RFC5: variants seen among roughly 807,000 people sequenced by gnomAD.
The protein encoded by RFC5 is replication factor C subunit 5, also known as A1 36 kDa subunit.
RFC5 carries 26 observed loss-of-function variants against 44.3 expected under a neutral mutation model. The observed-to-expected ratio is 0.59, with a 90% CI of 0.43 to 0.81. The LOEUF is 0.81. Ranked by LOEUF, RFC5 falls within the 40% of genes least tolerant of loss-of-function variation. The probability of loss-of-function intolerance (pLI) is 0.00; values close to 1 mark genes in which losing one functional copy is unlikely to be tolerated. For synonymous variants in RFC5, 155 were observed against 155.2 expected (o/e 1.00, Z 0.01); for missense variants, 328 against 418.6 (o/e 0.78, Z 1.89).
At chr12:118,027,922 C>T in intron 8 of RFC5, 31 bp from the exon 9 acceptor site, 1 of 1,410,384 alleles carries the variant, frequency 7.1e-7, no homozygotes, top group Non-Finnish European at 1.0e-6. Context: ...TGTTCTGGAA[C>T]TTGTTCCCTT....
chr12:118,017,778 C>T, intron 1 of RFC5: 1 of 656,834 alleles, frequency 1.5e-6, no homozygotes, highest in Non-Finnish European at 2.8e-6. Context: ...TCAAGCCATT[C>T]TCCTGCCTCA....
the RFC5 span, among the ~76,000 whole-genome samples, chr12:118,040,589 C>T: frequency 1.3e-5 from 2 of 151,090 alleles, no homozygotes; most frequent in Non-Finnish European, 2.9e-5. Flanking sequence ...GGCAAAACCC[C>T]GTCTCTACTA....
chr12:118,035,303 G>T (rs769029649), downstream of RFC5: 7 of 1,614,182 alleles, frequency 4.3e-6, no homozygotes, highest in Non-Finnish European at 5.9e-6. Flanking sequence ...TGTCATCCAT[G>T]GCGGGGTCAA....
At chr12:118,034,425 C>G (rs942345963), downstream of RFC5, 2 of 1,573,980 alleles carry the variant, frequency 1.3e-6, no homozygotes, top group South Asian at 2.3e-5. Context: ...AGGATGAATA[C>G]TCATGTTTCT....
the RFC5 span, among the ~76,000 whole-genome samples, chr12:118,039,143 C>T: frequency 9.8e-4 from 149 of 152,252 alleles, no homozygotes; most frequent in African/African-American, 3.5e-3. Context: ...GTCACCCTCC[C>T]AGCCTTGCCA....
intron 8 of RFC5, among the ~76,000 whole-genome samples, chr12:118,027,671 T>TAAA (rs58896704): frequency 7.7e-6 from 1 of 129,696 alleles, no homozygotes. Context: ...GATTCCATCT[T>TAAA]AAAAAAAAAA....
intron 5 of RFC5, among the ~76,000 whole-genome samples, chr12:118,023,345 G>A (rs1255938678): frequency 6.8e-6 from 1 of 147,512 alleles, no homozygotes; most frequent in East Asian, 2.0e-4. Context: ...ATCTTTAGGA[G>A]TTTGTGGCGA....
chr12:118,027,116 T>G, intron 8 of RFC5, 98 bp downstream of exon 8: 1 of 1,274,694 alleles, frequency 7.8e-7, no homozygotes, highest in Non-Finnish European at 1.1e-6. Flanking sequence ...AAAGGATGAC[T>G]GGCTGCAGGC....
downstream of RFC5, chr12:118,035,163 T>G: frequency 3.1e-6 from 5 of 1,612,486 alleles, no homozygotes; most frequent in Non-Finnish European, 3.4e-6. Flanking sequence ...TTGCTGCCAT[T>G]ACTTGCAAGC....
chr12:118,040,121 C>T, the RFC5 span, among the ~76,000 whole-genome samples: 5 of 151,886 alleles, frequency 3.3e-5, no homozygotes, highest in African/African-American at 4.8e-5. Flanking sequence ...TACAATAAGC[C>T]GAGATCGCAG....
chr12:118,034,136 G>A, downstream of RFC5: 1 of 1,600,092 alleles, frequency 6.2e-7, no homozygotes, highest in South Asian at 1.1e-5. Context: ...CATTATTCCA[G>A]CAACTCCCTT....
Position 118,026,978 on chromosome 12 carries a change from G to C in RFC5, c.753G>C (p.Leu251=). The change falls in exon 8 of 11, where the codon CTG becomes CTC. Residue 251 remains leucine (L), a synonymous_variant. Coordinates refer to ENST00000454402, the MANE Select transcript of RFC5 (RefSeq NM_007370.7). ...HPLKSDIANI[L]DWMLNQDFTT... ...TCAAGTCAGACATTGCCAACATCCT[G>C]GACTGGATGTTGAATCAAGATTTCA... 6.2e-7 allele frequency: 1 copy of C among 1,613,852 alleles called. No homozygotes were observed. Among genetic ancestry groups the C allele is most frequent in the Non-Finnish European group, 8.5e-7 (1 of 1,179,996 alleles).
intron 7 of RFC5, among the ~76,000 whole-genome samples, chr12:118,026,150 A>C (rs912675138): frequency 6.6e-6 from 1 of 151,812 alleles, no homozygotes; most frequent in Non-Finnish European, 1.5e-5. Context: ...GCCTGGTCCC[A>C]GCAAATCCTG....
intron 4 of RFC5, among the ~76,000 whole-genome samples, chr12:118,021,227 T>C (rs1286243092): frequency 1.3e-5 from 2 of 152,100 alleles, no homozygotes; most frequent in African/African-American, 2.4e-5. Context: ...TCTTTTTTTT[T>C]TGGAGACAGG....
downstream of RFC5, chr12:118,036,247 G>C (rs2031506781): frequency 1.4e-6 from 2 of 1,431,244 alleles, no homozygotes; most frequent in African/African-American, 1.4e-5. Context: ...CCCCTCCCAT[G>C]TCCCAGATTC....
Position 118,025,888 on chromosome 12 carries a change from G to C in RFC5, c.663+60G>C, listed in dbSNP as rs946901028. 9 of 1,047,074 alleles carry C rather than the reference G, an allele frequency of 8.6e-6. No homozygotes were observed. The African/African-American group carries it at 1.5e-4, about 17-fold the overall frequency. 64.9% of individuals were successfully genotyped at this position (1,047,074 alleles called of 1,614,324 possible). The stretch of plus-strand genomic sequence containing the variant: ...TTTTGAGACAGAGTCTTGCTCTGTC[G>C]CTCAGGCTGGAGTGCAGCAACACAA... On this transcript the variant is annotated intron_variant, in intron 7 of 10. Coordinates refer to ENST00000454402, the MANE Select transcript of RFC5 (RefSeq NM_007370.7).
chr12:118,034,031 A>C (rs765725340), downstream of RFC5: 4 of 900,046 alleles, frequency 4.4e-6, no homozygotes, highest in East Asian at 5.2e-5. Context: ...CAGGGAGAGA[A>C]AGATCCATGA....
chr12:118,036,157 G>T, downstream of RFC5: 1 of 661,956 alleles, frequency 1.5e-6, no homozygotes. Context: ...ATCCAAGATT[G>T]CGCCACTGCA....
chr12:118,022,310 G>A lies in RFC5; in HGVS notation c.372G>A (p.Leu124=), dbSNP rs1345130297. The A allele has an allele frequency of 1.2e-6, 2 of 1,613,966 alleles. No homozygotes were observed. Among genetic ancestry groups the A allele is most frequent in the East Asian group, 4.5e-5 (2 of 44,870 alleles). Residue 124 remains leucine, a synonymous_variant, in exon 5 of 11, where the codon TTG becomes TTA. Coordinates refer to ENST00000454402, the MANE Select transcript of RFC5 (RefSeq NM_007370.7). ...IFKKGFKLVI[L]DEADAMTQDA... is the part of the protein sequence containing the mutation. Reference sequence around the variant, plus strand: ...GGAAAGGCTTTAAGCTAGTGATCTTGGATGAAGCAGACGCCATGACTCAGG... The same window carrying A: ...GGAAAGGCTTTAAGCTAGTGATCTTAGATGAAGCAGACGCCATGACTCAGG...
Sources: allele counts gnomAD v4.1 joint callset (sites outside exome capture counted in the v4.1 genomes callset), GRCh38; gene constraint gnomAD v4.1.1; transcripts MANE v1.5; gene names NCBI Gene and HGNC (gene_info 2026-07-23, HGNC 2026-07-21).